LIPA: variants seen among roughly 807,000 people sequenced by gnomAD.
LIPA encodes lysosomal acid lipase/cholesteryl ester hydrolase.
Under a neutral mutation model 40.6 loss-of-function variants are expected in LIPA, and 26 were observed. The observed-to-expected ratio is 0.64, with a 90% CI of 0.47 to 0.89. The LOEUF (loss-of-function observed/expected upper bound fraction) is 0.89, where lower values mean the gene tolerates loss of function less well. Among genes scored for constraint, LIPA ranks in the 40% least tolerant of loss-of-function variants. The probability of loss-of-function intolerance (pLI) is 0.00; values close to 1 mark genes in which losing one functional copy is unlikely to be tolerated. For missense variants in LIPA, 455 were observed against 479.6 expected (o/e 0.95, Z 0.48); for synonymous variants, 188 against 168.4 (o/e 1.12, Z -0.90).
At position 89,228,229 on chromosome 10, in the gene LIPA, TG is replaced by T. The variant is rs756016704; in HGVS notation, c.398del (p.Ser133Ter). 63 of 1,613,262 alleles carry T rather than the reference TG, an allele frequency of 3.9e-5. No homozygotes were observed. The highest frequency in any genetic ancestry group is 1.3e-4 in the Admixed American group (8 of 59,992). ...NTWSRKHKTL[S>X]VSQDEFWAFS... ...AAGCCCAGAATTCATCCTGAGAAAC[TG>T]AGAGTGTCTTATGTTTCCGAGACCA... is the stretch of plus-strand genomic sequence containing the variant. On this transcript the variant is annotated frameshift_variant, in exon 4 of 10. Coordinates refer to ENST00000336233, the MANE Select transcript of LIPA (RefSeq NM_000235.4). LOFTEE classifies it high-confidence loss of function.
chr10:89,376,293 T>C (rs1451503257), intron 2 of LIPA, among the ~76,000 whole-genome samples: 1 of 151,818 alleles, frequency 6.6e-6, no homozygotes. Flanking sequence ...TCAAGTTGCC[T>C]AAATCCTTCC....
At chr10:89,365,465 T>C (rs1467045778) in intron 2 of LIPA, among the ~76,000 whole-genome samples, 4 of 152,326 alleles carry the variant, frequency 2.6e-5, no homozygotes, top group South Asian at 4.1e-4. Flanking sequence ...TTAGATCCCA[T>C]TTGTCAATTT....
intron 2 of LIPA, among the ~76,000 whole-genome samples, chr10:89,378,828 C>G: frequency 6.6e-6 from 1 of 152,166 alleles, no homozygotes; most frequent in Non-Finnish European, 1.5e-5. Context: ...AGCAGCAATG[C>G]TCTTAAGGAA....
At chr10:89,261,477 C>G (rs1168133405) in intron 1 of LIPA, among the ~76,000 whole-genome samples, 2 of 151,880 alleles carry the variant, frequency 1.3e-5, no homozygotes, top group Non-Finnish European at 1.5e-5. Flanking sequence ...TGCACTCCAG[C>G]CGGGGTGACA....
At chr10:89,222,412 T>C (rs761341765) in intron 8 of LIPA, 99 bp downstream of exon 8, 22 of 807,704 alleles carry the variant, frequency 2.7e-5, no homozygotes, top group Non-Finnish European at 4.0e-5. Flanking sequence ...AGATCAGATT[T>C]GTAAGCAGGT....
intron 2 of LIPA, chr10:89,402,779 T>G: frequency 6.2e-7 from 1 of 1,614,208 alleles, no homozygotes; most frequent in East Asian, 2.2e-5. Context: ...AAAAGGTGCT[T>G]GAAGTGGACC....
intron 2 of LIPA, among the ~76,000 whole-genome samples, chr10:89,365,792 T>C (rs1231872726): frequency 6.6e-6 from 1 of 152,212 alleles, no homozygotes; most frequent in Non-Finnish European, 1.5e-5. Context: ...AGGGCTCTGT[T>C]CTGTTCCATT....
chr10:89,252,060 T>A (rs1042667961), upstream of LIPA: 6 of 152,240 alleles, frequency 3.9e-5, no homozygotes, highest in Admixed American at 2.0e-4. Flanking sequence ...CGCCTACGCA[T>A]GCTCTCTTAG....
chr10:89,413,041 T>G (rs973967106), intron 1 of LIPA: 7 of 171,938 alleles, frequency 4.1e-5, no homozygotes, highest in East Asian at 1.8e-4. Context: ...CCAGTGTGTG[T>G]TGTTCCCCAC....
rs987290550 is a variant in LIPA at position 89,227,422 on chromosome 10, A to G, written c.429-418T>C. Among the ~76,000 whole-genome samples the G allele has an allele frequency of 3.9e-5, 6 of 152,194 alleles. No homozygotes were observed. In the East Asian group the frequency reaches 1.2e-3, roughly 29 times the overall value. On this transcript the variant is annotated intron_variant, in intron 4 of 9. Coordinates refer to ENST00000336233, the MANE Select transcript of LIPA (RefSeq NM_000235.4). ...TTTCCTGTTTTCCGTTGTTACAAATAGCGTGACAATAAACCAATTCTTGTA... is the reference window on the plus strand; with the variant it reads ...TTTCCTGTTTTCCGTTGTTACAAATGGCGTGACAATAAACCAATTCTTGTA...
At chr10:89,261,547 A>G (rs1296101734) in intron 1 of LIPA, among the ~76,000 whole-genome samples, 1 of 152,226 alleles carries the variant, frequency 6.6e-6, no homozygotes, top group Admixed American at 6.5e-5. Flanking sequence ...TTAAAAAATC[A>G]GAAGAGCTCA....
intron 1 of LIPA, among the ~76,000 whole-genome samples, chr10:89,258,518 G>C (rs902986923): frequency 2.0e-5 from 3 of 152,098 alleles, no homozygotes; most frequent in Non-Finnish European, 4.4e-5. Context: ...TACCCACTAG[G>C]ATAGCTATAA....
intron 1 of LIPA, chr10:89,340,045 G>A (rs760742725): frequency 6.2e-7 from 1 of 1,614,096 alleles, no homozygotes; most frequent in African/African-American, 1.3e-5. Context: ...ATCTGAGCTT[G>A]AGGATGGTAG....
chr10:89,241,389 G>A (rs1218352673), intron 3 of LIPA, among the ~76,000 whole-genome samples: 10 of 152,170 alleles, frequency 6.6e-5, no homozygotes. Context: ...AACCATGTCT[G>A]TTCGGCACCA....
chr10:89,379,561 GAT>G (rs2133601774), intron 2 of LIPA, among the ~76,000 whole-genome samples: 1 of 152,294 alleles, frequency 6.6e-6, no homozygotes, highest in East Asian at 1.9e-4. Context: ...TCTCCCATCT[GAT>G]GTTGCAGTCA....
At chr10:89,387,462 T>C (rs1844218686) in intron 2 of LIPA, among the ~76,000 whole-genome samples, 1 of 152,116 alleles carries the variant, frequency 6.6e-6, no homozygotes, top group African/African-American at 2.4e-5. Context: ...ACATGCAATA[T>C]GGGCCAGCGA....
intron 1 of LIPA, among the ~76,000 whole-genome samples, chr10:89,262,142 G>A (rs576307852): frequency 2.0e-5 from 3 of 152,240 alleles, no homozygotes; most frequent in South Asian, 2.1e-4. Context: ...CTAGTGCTGA[G>A]GACTTGTAAA....
chr10:89,399,661 T>G (rs1417522952), intron 2 of LIPA, among the ~76,000 whole-genome samples: 4 of 152,220 alleles, frequency 2.6e-5, no homozygotes, highest in Non-Finnish European at 4.4e-5. Context: ...TCATTCTTAT[T>G]GAAAATCATT....
At chr10:89,285,591 T>A (rs937940227) in intron 1 of LIPA, among the ~76,000 whole-genome samples, 1 of 152,180 alleles carries the variant, frequency 6.6e-6, no homozygotes, top group African/African-American at 2.4e-5. Flanking sequence ...GCAAGGCAAT[T>A]GTGGGGACAC....
Sources: gnomAD v4.1 joint callset for allele counts (sites outside exome capture counted in the v4.1 genomes callset) on GRCh38, gnomAD v4.1.1 for gene constraint, MANE v1.5 for transcripts, NCBI Gene and HGNC (gene_info 2026-07-23, HGNC 2026-07-21) for gene names.